Variants in NCK2 observed in about 807,000 individuals in gnomAD.
The protein encoded by NCK2 is NCK adaptor protein 2, also known as cytoplasmic protein NCK2.
Under a neutral mutation model 33.9 loss-of-function variants are expected in NCK2, and 16 were observed. That is an observed-to-expected ratio of 0.47 (90% CI 0.32 to 0.72). NCK2 has a LOEUF of 0.72. Among genes scored for constraint, NCK2 ranks in the 30% least tolerant of loss-of-function variants. NCK2 has a pLI of 0.03. For synonymous variants in NCK2, 273 were observed against 239.9 expected (o/e 1.14, Z -1.27); for missense variants, 418 against 537.3 (o/e 0.78, Z 2.19).
chr2:105,893,415 C>A lies in NCK2; in HGVS notation c.*239C>A. ...AGGAGCAGGGCGAGTTCACATTATT[C>A]CTTTTCCATCGGAAGTGGCGCTCGT... On this transcript the variant is annotated 3_prime_UTR_variant, in exon 5 of 5. Coordinates refer to ENST00000233154, the MANE Select transcript of NCK2 (RefSeq NM_003581.5). 1 of 466,276 alleles carries A rather than the reference C, an allele frequency of 2.1e-6. No individual in the cohort carries two copies. The highest frequency in any genetic ancestry group is 3.9e-6 in the Non-Finnish European group (1 of 256,454). The allele number at this position is 466,276 out of a possible 1,614,324, so 28.9% of individuals were successfully genotyped here. A position where few individuals can be genotyped will look rare whatever the true frequency, so the allele number is the denominator to read the frequency against.
chr2:105,781,918 A>G lies in NCK2; in HGVS notation c.-200-34512A>G, dbSNP rs959933467. ...TCTTCCCTCTTTATTTCTTGCCGTA[A>G]ATGCTTTTAACTGAAATAGGTACAT... On this transcript the variant is annotated intron_variant, in intron 1 of 4. Coordinates refer to ENST00000233154, the MANE Select transcript of NCK2 (RefSeq NM_003581.5). 2.0e-5 allele frequency among the ~76,000 whole-genome samples: 3 copies of G among 152,182 alleles called. 1 individual carries two copies. In the South Asian group the frequency reaches 6.2e-4, roughly 31 times the overall value.
rs1175519944 is a variant in NCK2, at chr2:105,837,054, C to T, written c.-16-17994C>T. Among the ~76,000 whole-genome samples the T allele has an allele frequency of 4.6e-5, 7 of 152,330 alleles. No individual in the cohort carries two copies. In the South Asian group the frequency reaches 1.4e-3, roughly 32 times the overall value. On this transcript the variant is annotated intron_variant, in intron 2 of 4. Transcript: ENST00000233154. ...TCCTATAACAGGGAGTCCCCCTTGG[C>T]TCTGAGTCAGTCCTGGCTGGCTGCT...
chr2:105,772,895 ATTTTT>A (rs34721498), intron 1 of NCK2, among the ~76,000 whole-genome samples: 22 of 133,120 alleles, frequency 1.7e-4, no homozygotes, highest in African/African-American at 5.9e-4. Flanking sequence ...ACGTGTCCAC[ATTTTT>A]TTTTTTTTTT....
At chr2:105,827,044 G>A (rs566748042) in intron 2 of NCK2, among the ~76,000 whole-genome samples, 5 of 151,700 alleles carry the variant, frequency 3.3e-5, no homozygotes, top group Admixed American at 6.6e-5. Flanking sequence ...CTGTTGCCCA[G>A]GCTGGAGTGC....
chr2:105,854,056 AG>A lies in NCK2; in HGVS notation c.-16-990del, dbSNP rs1376289876. ...AGGCCTTAAAGGGAAGAAGATTCAA[AG>A]GAATTTGGCTGAAGTTTGGTTAAGG... On this transcript the variant is annotated intron_variant, in intron 2 of 4. Coordinates refer to ENST00000233154, the MANE Select transcript of NCK2 (RefSeq NM_003581.5). 3.9e-5 allele frequency: 6 copies of A among 152,362 alleles called. No homozygotes were observed. The East Asian group carries it at 9.7e-4, about 25-fold the overall frequency. The allele number at this position is 152,362 out of a possible 1,614,324, so 9.4% of individuals were successfully genotyped here.
intron 3 of NCK2, among the ~76,000 whole-genome samples, chr2:105,873,786 T>A (rs1289401014): frequency 6.6e-6 from 1 of 152,216 alleles, no homozygotes; most frequent in African/African-American, 2.4e-5. Context: ...GGTGCAACTC[T>A]TGGTTGGGGC....
intron 1 of NCK2, among the ~76,000 whole-genome samples, chr2:105,792,555 G>T (rs1473298435): frequency 6.6e-6 from 1 of 151,934 alleles, no homozygotes; most frequent in Non-Finnish European, 1.5e-5. Context: ...ATCCACGTAA[G>T]GTCCACACAT....
chr2:105,893,155 C>A lies in NCK2; in HGVS notation c.1122C>A (p.Tyr374Ter). Reference sequence around the variant, plus strand: ...CCAGCGAGCACGGGGAGAAGCTCTACCTCGTCAGGGCCCTGCAGTGACGGC... The same window carrying A: ...CCAGCGAGCACGGGGAGAAGCTCTAACTCGTCAGGGCCCTGCAGTGACGGC... Reference protein sequence around the residue: ...IFTSEHGEKLYLVRALQ With the variant: ...IFTSEHGEKL Residue 374 changes from tyrosine to a stop codon, truncating the protein, a stop_gained, in exon 5 of 5, where the codon TAC becomes TAA. Coordinates refer to ENST00000233154, the MANE Select transcript of NCK2 (RefSeq NM_003581.5). LOFTEE classifies it high-confidence loss of function. The A allele has an allele frequency of 6.2e-7, 1 of 1,605,982 alleles. No individual in the cohort carries two copies. Among genetic ancestry groups the A allele is most frequent in the Non-Finnish European group, 8.5e-7 (1 of 1,176,160 alleles).
At chr2:105,790,239 G>A (rs1206001001) in intron 1 of NCK2, among the ~76,000 whole-genome samples, 1 of 152,206 alleles carries the variant, frequency 6.6e-6, no homozygotes, top group African/African-American at 2.4e-5. Context: ...AGGATCTGTT[G>A]ATTGGATTAA....
intron 2 of NCK2, among the ~76,000 whole-genome samples, chr2:105,819,998 T>G (rs1435176590): frequency 6.6e-6 from 1 of 152,220 alleles, no homozygotes; most frequent in African/African-American, 2.4e-5. Context: ...TTTGGGACTG[T>G]GCTAACTGCT....
Position 105,846,363 on chromosome 2 carries a change from G to A in NCK2, c.-16-8685G>A, listed in dbSNP as rs560756678. Among the ~76,000 whole-genome samples, 27 of 152,118 alleles carry A rather than the reference G, an allele frequency of 1.8e-4. No individual in the cohort carries two copies. In the South Asian group the frequency reaches 5.6e-3, roughly 32 times the overall value. The stretch of plus-strand genomic sequence containing the variant: ...TCAGAGAGTAAATGAGTTGCTCAAT[G>A]ATGAACTCCTGAAAACTGGATGATA... On this transcript the variant is annotated intron_variant, in intron 2 of 4. Transcript: ENST00000233154.
At chr2:105,879,726 C>T (rs112627277) in intron 3 of NCK2, among the ~76,000 whole-genome samples, 9 of 152,370 alleles carry the variant, frequency 5.9e-5, no homozygotes, top group African/African-American at 1.9e-4. Flanking sequence ...GCCCAGCTCT[C>T]CACCATTGAG....
intron 1 of NCK2, among the ~76,000 whole-genome samples, chr2:105,747,099 G>A (rs184360087): frequency 1.9e-3 from 292 of 152,308 alleles, no homozygotes; most frequent in East Asian, 5.2e-3. Context: ...AAGGTGCCTT[G>A]CAGGTGGCTG....
At chr2:105,835,393 A>ATATGTATATATATATATATATATGTGTG (rs1553458580) in intron 2 of NCK2, among the ~76,000 whole-genome samples, 7 of 51,674 alleles carry the variant, frequency 1.4e-4, no homozygotes, top group Non-Finnish European at 1.8e-4. Flanking sequence ...ATACACATAT[A>ATATGTATATATATATATATATATGTGTG]TATATATATA....
intron 3 of NCK2, among the ~76,000 whole-genome samples, chr2:105,863,771 C>T (rs1677638850): frequency 6.6e-6 from 1 of 152,014 alleles, no homozygotes; most frequent in Non-Finnish European, 1.5e-5. Context: ...CTGGAGTCTT[C>T]GATCACCTGC....
chr2:105,862,546 G>A (rs554894208), intron 3 of NCK2, among the ~76,000 whole-genome samples: 36 of 152,220 alleles, frequency 2.4e-4, no homozygotes, highest in Admixed American at 1.6e-3. Flanking sequence ...GTGGTAGGCC[G>A]CTTTGTACGT....
chr2:105,788,037 G>T (rs908149480), intron 1 of NCK2, among the ~76,000 whole-genome samples: 1 of 152,122 alleles, frequency 6.6e-6, no homozygotes, highest in Non-Finnish European at 1.5e-5. Context: ...TCCAAGGTTG[G>T]ATCTGCTTGG....
chr2:105,882,818 A>C (rs1423153482), intron 4 of NCK2, among the ~76,000 whole-genome samples: 1 of 152,188 alleles, frequency 6.6e-6, no homozygotes, highest in Non-Finnish European at 1.5e-5. Flanking sequence ...TCTACAATCG[A>C]GAGACTTCCA....
At chr2:105,760,996 G>A (rs928690204) in intron 1 of NCK2, among the ~76,000 whole-genome samples, 5 of 152,244 alleles carry the variant, frequency 3.3e-5, no homozygotes, top group African/African-American at 7.2e-5. Context: ...GGATCTGGGT[G>A]GCCCTCATCC....
Sources: gnomAD v4.1 joint callset for allele counts (sites outside exome capture counted in the v4.1 genomes callset) on GRCh38, gnomAD v4.1.1 for gene constraint, MANE v1.5 for transcripts, NCBI Gene and HGNC (gene_info 2026-07-23, HGNC 2026-07-21) for gene names.